EFR3A: variants seen among roughly 807,000 people sequenced by gnomAD.
EFR3A encodes EFR3 homolog A, also known as protein EFR3 homolog A.
In EFR3A, 76 loss-of-function variants were observed where a neutral mutation model predicts 104.4. That is an observed-to-expected ratio of 0.73 (90% confidence interval 0.60 to 0.88). EFR3A has a LOEUF of 0.88. Ranked by LOEUF, EFR3A falls within the 40% of genes least tolerant of loss-of-function variation. EFR3A has a pLI of 0.00. For missense variants in EFR3A, 985 were observed against 1,012.5 expected (o/e 0.97, Z 0.37); for synonymous variants, 330 against 330.0 (o/e 1.00, Z 0.00).
intron 10 of EFR3A, among the ~76,000 whole-genome samples, chr8:131,971,562 C>T (rs1411512404): frequency 2.0e-5 from 3 of 152,036 alleles, no homozygotes; most frequent in Non-Finnish European, 4.4e-5. Flanking sequence ...GTGGCGGGCA[C>T]CTGTAGTCCC....
chr8:131,964,381 A>T (rs1180428302), intron 8 of EFR3A, among the ~76,000 whole-genome samples: 1 of 152,128 alleles, frequency 6.6e-6, no homozygotes, highest in Non-Finnish European at 1.5e-5. Context: ...AAGTCTCAGG[A>T]TACAAAATCA....
In EFR3A at chr8:131,953,871, A is replaced by G; in HGVS notation, c.542A>G (p.Asn181Ser). ...CAAGGTGTGGTTCGCAAAACAGTCA[A>G]CGATGAACTTCGGGCCACCATTTGG... ...GIQGVVRKTV[N>S]DELRATIWEP... Residue 181 changes from asparagine (N) to serine (S), a missense_variant, in exon 6 of 23, where the codon AAC (asparagine) becomes AGC (serine). By Grantham distance (46) the Asn-to-Ser change is conservative (BLOSUM62 1). Transcript: ENST00000254624. 7 of 1,575,528 alleles carry G rather than the reference A, an allele frequency of 4.4e-6. No individual in the cohort carries two copies. The highest frequency in any genetic ancestry group is 5.2e-6 in the Non-Finnish European group (6 of 1,158,574).
chr8:131,973,118 T>G (rs1002849625), intron 10 of EFR3A, among the ~76,000 whole-genome samples: 3 of 150,124 alleles, frequency 2.0e-5, no homozygotes, highest in African/African-American at 7.4e-5. Context: ...AGTGTCTCAT[T>G]CAACACACTA....
chr8:131,951,313 A>T (rs1178693204), intron 5 of EFR3A, among the ~76,000 whole-genome samples: 1 of 152,106 alleles, frequency 6.6e-6, no homozygotes, highest in Non-Finnish European at 1.5e-5. Flanking sequence ...TCCTGCTATT[A>T]TTCCTTTATT....
chr8:131,906,489 A>G (rs746397679), intron 1 of EFR3A, among the ~76,000 whole-genome samples: 1 of 152,110 alleles, frequency 6.6e-6, no homozygotes, highest in Non-Finnish European at 1.5e-5. Flanking sequence ...TCCGAGAGCA[A>G]CCCTTGCTGT....
In EFR3A at chr8:131,985,034, C is replaced by G. The variant is rs1406318003; in HGVS notation, c.1843C>G (p.Pro615Ala). 17 of 1,613,302 alleles carry G rather than the reference C, an allele frequency of 1.1e-5. No homozygotes were observed. The highest frequency in any genetic ancestry group is 1.4e-5 in the Non-Finnish European group (17 of 1,179,484). ...LNFVSQMIAV[P>A]AFCQHVSKVI... is the part of the protein sequence containing the mutation. ...CTTTGTAAGTCAGATGATAGCTGTC[C>G]CTGCATTTTGCCAGCATGTTAGCAA... The change falls in exon 16 of 23, where the codon CCT (proline) becomes GCT (alanine). Residue 615 changes from proline to alanine, a missense_variant. Pro to Ala is a conservative substitution (Grantham distance 27, BLOSUM62 -1). Coordinates refer to ENST00000254624, the MANE Select transcript of EFR3A (RefSeq NM_015137.6).
At chr8:131,966,097 A>G (rs1206131630) in intron 8 of EFR3A, among the ~76,000 whole-genome samples, 1 of 152,202 alleles carries the variant, frequency 6.6e-6, no homozygotes, top group Non-Finnish European at 1.5e-5. Context: ...GCATTAGGAG[A>G]TATACCTAAC....
intron 17 of EFR3A, 65 bp downstream of exon 17, chr8:131,986,326 T>C: frequency 1.3e-6 from 1 of 761,634 alleles, no homozygotes; most frequent in East Asian, 2.7e-5. Context: ...GTAATAATTA[T>C]AAAGGAGTAA....
At chr8:132,005,678 T>G (rs1366934135) in intron 22 of EFR3A, among the ~76,000 whole-genome samples, 1 of 152,188 alleles carries the variant, frequency 6.6e-6, no homozygotes, top group East Asian at 1.9e-4. Flanking sequence ...TTGCAAATTT[T>G]AATGTTCCTC....
At chr8:131,975,213 T>G (rs1481291219) in intron 10 of EFR3A, among the ~76,000 whole-genome samples, 18 of 152,138 alleles carry the variant, frequency 1.2e-4, no homozygotes, top group Non-Finnish European at 2.5e-4. Context: ...TTCACAGGGG[T>G]AAACTATAAA....
chr8:131,962,174 ACAT>A (rs1819389934), intron 8 of EFR3A, among the ~76,000 whole-genome samples: 1 of 152,224 alleles, frequency 6.6e-6, no homozygotes, highest in South Asian at 2.1e-4. Flanking sequence ...TCACCAGCTA[ACAT>A]CATAATGACA....
intron 18 of EFR3A, among the ~76,000 whole-genome samples, chr8:131,990,904 G>A (rs1330894832): frequency 6.6e-6 from 1 of 152,018 alleles, no homozygotes; most frequent in Non-Finnish European, 1.5e-5. Flanking sequence ...AAACTGAGGG[G>A]ACGCATAGGA....
rs1367201992 is a variant in EFR3A at position 131,953,869 on chromosome 8, C to T, written c.540C>T (p.Val180=). 6.4e-7 allele frequency: 1 copy of T among 1,571,114 alleles called. No homozygotes were observed. Among genetic ancestry groups the T allele is most frequent in the East Asian group, 2.3e-5 (1 of 43,146 alleles). Residue 180 remains valine (V), a synonymous_variant, in exon 6 of 23, where the codon GTC becomes GTT. Coordinates refer to ENST00000254624, the MANE Select transcript of EFR3A (RefSeq NM_015137.6). ...TTCAAGGTGTGGTTCGCAAAACAGT[C>T]AACGATGAACTTCGGGCCACCATTT... The part of the protein sequence containing the change: ...RGIQGVVRKT[V]NDELRATIWE...
At chr8:131,963,121 A>T (rs1201602473) in intron 8 of EFR3A, among the ~76,000 whole-genome samples, 2 of 152,236 alleles carry the variant, frequency 1.3e-5, no homozygotes, top group Non-Finnish European at 2.9e-5. Context: ...AAAGCAGGAA[A>T]GATCTAAAAA....
At chr8:131,910,410 T>C (rs566259618) in intron 1 of EFR3A, among the ~76,000 whole-genome samples, 16 of 152,306 alleles carry the variant, frequency 1.1e-4, no homozygotes, top group African/African-American at 3.8e-4. Flanking sequence ...TAGCTGGGAC[T>C]ACAGGTGTGC....
chr8:131,943,095 A>G (rs756966300), intron 2 of EFR3A, among the ~76,000 whole-genome samples: 21 of 152,080 alleles, frequency 1.4e-4, no homozygotes, highest in Non-Finnish European at 2.4e-4. Context: ...GAGCACTGAC[A>G]TGATACTCAA....
chr8:131,940,519 G>T lies in EFR3A; in HGVS notation c.31G>T (p.Ala11Ser), dbSNP rs754490414. 2 of 1,602,186 alleles carry T rather than the reference G, an allele frequency of 1.2e-6. No homozygotes were observed. Residue 11 changes from alanine to serine, a missense_variant, in exon 2 of 23, where the codon GCT (alanine) becomes TCT (serine). By Grantham distance (99) the Ala-to-Ser change is moderately conservative. Transcript: ENST00000254624. ...AACAGGAGTATGCTGCTGCTGTTCC[G>T]CTTTGCGTCCTCGCTACAAACGCCT... MPTRVCCCCS[A>S]LRPRYKRLVD...
At chr8:131,969,716 T>C (rs891340761) in intron 9 of EFR3A, among the ~76,000 whole-genome samples, 1 of 151,948 alleles carries the variant, frequency 6.6e-6, no homozygotes, top group Non-Finnish European at 1.5e-5. Context: ...ATAAAACTGG[T>C]TATTTAATTG....
At chr8:131,999,515 G>A (rs1434714548) in intron 19 of EFR3A, among the ~76,000 whole-genome samples, 8 of 152,166 alleles carry the variant, frequency 5.3e-5, no homozygotes, top group Non-Finnish European at 7.3e-5. Flanking sequence ...AGGGAATGTT[G>A]AAATTCCTTT....
Sources: allele counts gnomAD v4.1 joint callset (sites outside exome capture counted in the v4.1 genomes callset), GRCh38; gene constraint gnomAD v4.1.1; transcripts MANE v1.5; gene names NCBI Gene and HGNC (gene_info 2026-07-23, HGNC 2026-07-21).